GALNS: variants seen among roughly 807,000 people sequenced by gnomAD.
GALNS encodes the protein galactosamine (N-acetyl)-6-sulfatase.
In GALNS, 65 loss-of-function variants were observed where a neutral mutation model predicts 65.9. That is an observed-to-expected ratio of 0.99 (90% CI 0.81 to 1.21). GALNS has a LOEUF of 1.21. Ranked by LOEUF, GALNS falls within the 50% of genes most tolerant of loss-of-function variation. GALNS has a pLI of 0.00. For synonymous variants in GALNS, 346 were observed against 288.9 expected, an observed-to-expected ratio of 1.20 and a Z score of -2.00; for missense variants, 776 against 700.7, an observed-to-expected ratio of 1.11 and a Z score of -1.21.
At chr16:88,841,755 C>A (rs1460840098) in intron 3 of GALNS, 142 bp downstream of exon 3, 19 of 763,772 alleles carry the variant, frequency 2.5e-5, no homozygotes, top group Non-Finnish European at 2.7e-5. Flanking sequence ...CCTGCACTTC[C>A]ACCTAAGTCC....
chr16:88,816,546 GGCCCT>G lies in GALNS; in HGVS notation c.1482+1456_1482+1460del, dbSNP rs1193100966. On this transcript the variant is annotated intron_variant, in intron 13 of 13. Transcript: ENST00000268695. The stretch of plus-strand genomic sequence containing the variant: ...CCCCCGCCCCCCAACTAACGGAGGT[GGCCCT>G]GCCCTGCCCAGTCCTAAATAACCCT... The G allele has an allele frequency of 2.3e-4, 221 of 973,028 alleles. 2 individuals carry two copies. The highest frequency in any genetic ancestry group is 8.5e-6 in the Non-Finnish European group (7 of 827,304). 60.3% of individuals were successfully genotyped at this position (973,028 alleles called of 1,614,324 possible). A position where few individuals can be genotyped will look rare whatever the true frequency, so the allele number is the denominator to read the frequency against.
At chr16:88,855,017 C>G in intron 1 of GALNS, 1 of 354,580 alleles carries the variant, frequency 2.8e-6, no homozygotes, top group Non-Finnish European at 5.5e-6. Flanking sequence ...ACACCCCACC[C>G]CTCCACCCTG....
Position 88,814,255 on chromosome 16 carries a change from A to C in GALNS, c.*184T>G. 1 of 782,166 alleles carries C rather than the reference A, an allele frequency of 1.3e-6. No homozygotes were observed. The highest frequency in any genetic ancestry group is 2.2e-5 in the Admixed American group (1 of 45,190). 48.5% of individuals were successfully genotyped at this position (782,166 alleles called of 1,614,324 possible). A position where few individuals can be genotyped will look rare whatever the true frequency, so the allele number is the denominator to read the frequency against. ...ATCTGAGGCGCCGTGGGCGAGGAGG[A>C]GGGCCAAGCACACGCCAGGGTCAGG... On this transcript the variant is annotated 3_prime_UTR_variant, in exon 14 of 14. Coordinates refer to ENST00000268695, the MANE Select transcript of GALNS (RefSeq NM_000512.5).
intron 12 of GALNS, 94 bp from the exon 13 acceptor site, chr16:88,818,218 G>T: frequency 9.9e-7 from 1 of 1,009,766 alleles, no homozygotes; most frequent in Non-Finnish European, 1.5e-6. Flanking sequence ...GAGCTCTAAC[G>T]GGCTGAGAAC....
intron 13 of GALNS, chr16:88,817,129 G>T: frequency 3.0e-6 from 3 of 985,436 alleles, no homozygotes; most frequent in Middle Eastern, 5.2e-4. Flanking sequence ...AGGCCTTTGC[G>T]GCCACTGCAC....
At chr16:88,848,930 G>A (rs951115093) in intron 1 of GALNS, among the ~76,000 whole-genome samples, 4 of 152,236 alleles carry the variant, frequency 2.6e-5, no homozygotes, top group Non-Finnish European at 4.4e-5. Flanking sequence ...TTTCCCCGGT[G>A]GACGGCAGGC....
intron 9 of GALNS, 47 bp from the exon 10 acceptor site, chr16:88,826,885 G>A (rs372350998): frequency 6.7e-5 from 104 of 1,550,744 alleles, no homozygotes; most frequent in Middle Eastern, 2.1e-4. Context: ...GCACCGACCC[G>A]ATGGGGCTGG....
chr16:88,855,562 C>T, intron 1 of GALNS: 1 of 693,988 alleles, frequency 1.4e-6, no homozygotes, highest in East Asian at 2.7e-5. Flanking sequence ...AAAGCAGCTG[C>T]CCAGGACTGT....
intron 8 of GALNS, among the ~76,000 whole-genome samples, chr16:88,833,037 C>T (rs1321280100): frequency 6.9e-6 from 1 of 144,800 alleles, no homozygotes; most frequent in African/African-American, 2.5e-5. Flanking sequence ...GAGATCGCGC[C>T]ACTGCACTCC....
intron 12 of GALNS, among the ~76,000 whole-genome samples, chr16:88,821,141 A>C (rs1346787309): frequency 6.6e-6 from 1 of 151,358 alleles, no homozygotes; most frequent in Non-Finnish European, 1.5e-5. Context: ...CTGGGGCTTA[A>C]AACAATGAAA....
intron 9 of GALNS, chr16:88,827,068 G>A (rs1771198319): frequency 1.7e-6 from 1 of 598,080 alleles, no homozygotes; most frequent in Admixed American, 2.9e-5. Context: ...TCACTCCCTG[G>A]CACCCTTCTC....
chr16:88,849,849 A>G (rs917363402), intron 1 of GALNS, among the ~76,000 whole-genome samples: 10 of 152,254 alleles, frequency 6.6e-5, no homozygotes, highest in Admixed American at 2.6e-4. Context: ...GTGGGAGGAC[A>G]GGGGGCAGGA....
At position 88,815,143 on chromosome 16, in the gene GALNS, G is replaced by A. The variant is rs986623989; in HGVS notation, c.1483-618C>T. Reference sequence around the variant, plus strand: ...TGGGCAGCTACACAGACGCTCCCCAGGAATCATGGGAACTTGGGAGATGGC... The same window carrying A: ...TGGGCAGCTACACAGACGCTCCCCAAGAATCATGGGAACTTGGGAGATGGC... On this transcript the variant is annotated intron_variant, in intron 13 of 13. Transcript: ENST00000268695. 12 of 985,490 alleles carry A rather than the reference G, an allele frequency of 1.2e-5. No individual in the cohort carries two copies. In the South Asian group the frequency reaches 1.4e-4, roughly 12 times the overall value. 61.0% of individuals were successfully genotyped at this position (985,490 alleles called of 1,614,324 possible). A position where few individuals can be genotyped will look rare whatever the true frequency, so the allele number is the denominator to read the frequency against.
intron 1 of GALNS, among the ~76,000 whole-genome samples, chr16:88,849,280 AATTATT>A (rs900828056): frequency 4.6e-5 from 7 of 151,642 alleles, no homozygotes; most frequent in African/African-American, 1.7e-4. Context: ...ATGCCCAGTT[AATTATT>A]ATTATCATTA....
intron 1 of GALNS, chr16:88,855,052 A>G (rs910982511): frequency 1.0e-5 from 4 of 385,290 alleles, no homozygotes; most frequent in Non-Finnish European, 2.0e-5. Flanking sequence ...TTGCTGTCCT[A>G]TGGAAACGTA....
At chr16:88,817,088 G>T in intron 13 of GALNS, 1 of 985,442 alleles carries the variant, frequency 1.0e-6, no homozygotes, top group Non-Finnish European at 1.2e-6. Context: ...GACCTGCCCT[G>T]CTGGGACCCA....
chr16:88,834,556 G>A (rs1188159999), intron 8 of GALNS, among the ~76,000 whole-genome samples: 1 of 143,374 alleles, frequency 7.0e-6, no homozygotes, highest in Non-Finnish European at 1.5e-5. Flanking sequence ...TCTGGGAAGA[G>A]GCTGCAGGGC....
chr16:88,822,594 G>T lies in GALNS; in HGVS notation c.1359C>A (p.Pro453=), dbSNP rs766717526. The change falls in exon 12 of 14, where the codon CCC becomes CCA. Residue 453 remains proline, a synonymous_variant. Transcript: ENST00000268695. ...HLGRDPGERF[P]LSFASAEYQE... is the part of the protein sequence containing the mutation. ...GAGGCCCTGCACCGACTCACCTGAG[G>T]GGGAACCTCTCCCCTGGGTCCCGTC... 1 of 1,612,580 alleles carries T rather than the reference G, an allele frequency of 6.2e-7. No homozygotes were observed. The highest frequency in any genetic ancestry group is 1.1e-5 in the South Asian group (1 of 91,062).
chr16:88,835,190 G>C (rs770099259), intron 8 of GALNS, 23 bp downstream of exon 8: 9 of 1,562,900 alleles, frequency 5.8e-6, no homozygotes, highest in Admixed American at 3.8e-5. Flanking sequence ...GGGAAACCGT[G>C]AGAAGTGACA....
Sources: allele counts gnomAD v4.1 joint callset (sites outside exome capture counted in the v4.1 genomes callset), GRCh38; gene constraint gnomAD v4.1.1; transcripts MANE v1.5; gene names NCBI Gene and HGNC (gene_info 2026-07-23, HGNC 2026-07-21).